Variants in PCDHGA1 observed in about 807,000 individuals in gnomAD.
The protein encoded by PCDHGA1 is protocadherin gamma-A1.
Under a neutral mutation model 58.0 loss-of-function variants are expected in PCDHGA1, and 32 were observed. That is an observed-to-expected ratio of 0.55 (90% confidence interval 0.42 to 0.74). The LOEUF (loss-of-function observed/expected upper bound fraction) is 0.74, where lower values mean the gene tolerates loss of function less well. PCDHGA1 is among the 30% of genes least tolerant of loss of function. The probability of loss-of-function intolerance (pLI) is 0.00; values close to 1 mark genes in which losing one functional copy is unlikely to be tolerated. For synonymous variants in PCDHGA1, 498 were observed against 501.1 expected, an observed-to-expected ratio of 0.99 and a Z score of 0.08; for missense variants, 1,205 against 1,182.3, an observed-to-expected ratio of 1.02 and a Z score of -0.28.
chr5:141,399,605 A>G, intron 1 of PCDHGA1: 1 of 1,613,968 alleles, frequency 6.2e-7, no homozygotes, highest in Non-Finnish European at 8.5e-7. Context: ...AGCGACCTAG[A>G]GCCTCTGGCA....
At chr5:141,412,981 G>C (rs1309699690) in intron 1 of PCDHGA1, 2 of 546,326 alleles carry the variant, frequency 3.7e-6, no homozygotes, top group Non-Finnish European at 3.1e-6. Context: ...AACGCAGCCA[G>C]AGCTCAATCC....
At chr5:141,495,437 C>T (rs2099761356) in intron 2 of PCDHGA1, among the ~76,000 whole-genome samples, 1 of 152,178 alleles carries the variant, frequency 6.6e-6, no homozygotes, top group East Asian at 1.9e-4. Flanking sequence ...GTCCTCTGCC[C>T]CTACTTGTCC....
At chr5:141,453,178 A>G (rs939398654) in intron 1 of PCDHGA1, among the ~76,000 whole-genome samples, 1 of 152,128 alleles carries the variant, frequency 6.6e-6, no homozygotes, top group African/African-American at 2.4e-5. Flanking sequence ...CAGTGGTACA[A>G]TCACAGCTCA....
intron 1 of PCDHGA1, chr5:141,341,717 A>T (rs952386254): frequency 4.3e-5 from 21 of 483,170 alleles, no homozygotes; most frequent in Non-Finnish European, 6.8e-5. Context: ...ATCCACCCAG[A>T]TCAACAATTT....
At chr5:141,355,702 C>T (rs1051426274) in intron 1 of PCDHGA1, 53 of 1,613,866 alleles carry the variant, frequency 3.3e-5, no homozygotes, top group Non-Finnish European at 4.4e-5. Context: ...AAACTCCCTG[C>T]AGGGTTACCA....
At chr5:141,453,700 G>A (rs953445370) in intron 1 of PCDHGA1, among the ~76,000 whole-genome samples, 1 of 152,166 alleles carries the variant, frequency 6.6e-6, no homozygotes, top group Non-Finnish European at 1.5e-5. Flanking sequence ...TCCTGGCTTT[G>A]AACAGTTTCA....
At chr5:141,478,133 G>T (rs769287158) in intron 1 of PCDHGA1, 1 of 1,614,060 alleles carries the variant, frequency 6.2e-7, no homozygotes, top group Non-Finnish European at 8.5e-7. Flanking sequence ...CTCTCCTGAA[G>T]CCCGAGCCGA....
intron 1 of PCDHGA1, chr5:141,399,194 C>T (rs770516092): frequency 1.2e-6 from 2 of 1,613,838 alleles, no homozygotes; most frequent in South Asian, 1.1e-5. Context: ...CTGGAAAACG[C>T]GGTGCCTGGA....
At chr5:141,355,681 G>T (rs933117526) in intron 1 of PCDHGA1, 1 of 1,613,908 alleles carries the variant, frequency 6.2e-7, no homozygotes, top group Non-Finnish European at 8.5e-7. Flanking sequence ...TTTTGATCCG[G>T]ATGTAGGTGT....
At chr5:141,369,931 G>A (rs189671348) in intron 1 of PCDHGA1, among the ~76,000 whole-genome samples, 35 of 152,224 alleles carry the variant, frequency 2.3e-4, no homozygotes, top group African/African-American at 7.9e-4. Flanking sequence ...AAACGTGACG[G>A]GATTGAGCAA....
chr5:141,497,197 A>G (rs1243476120), intron 2 of PCDHGA1, among the ~76,000 whole-genome samples: 2 of 106,804 alleles, frequency 1.9e-5, no homozygotes, highest in African/African-American at 5.7e-5. Flanking sequence ...GCAGAGAACA[A>G]TGTGAGTGTA....
rs114918874 is a variant in PCDHGA1 at position 141,487,585 on chromosome 5, C to T, written c.2422-7222C>T. On this transcript the variant is annotated intron_variant, in intron 1 of 3. Transcript: ENST00000517417. This position sits in a 1 kb window ranked among gnomAD's most constrained non-coding sequence, Gnocchi z 5.0. Reference sequence around the variant, plus strand: ...CAGGGGAGCCTGTTCGCCCAAGCTGCCCACCCTCTGATCTTCTCTATGGGC... The same window carrying T: ...CAGGGGAGCCTGTTCGCCCAAGCTGTCCACCCTCTGATCTTCTCTATGGGC... 7,902 of 1,614,160 alleles carry T rather than the reference C, an allele frequency of 4.9e-3. 42 individuals are homozygous for T. The highest frequency in any genetic ancestry group is 8.8e-3 in the Admixed American group (531 of 60,020).
intron 1 of PCDHGA1, chr5:141,376,544 G>C: frequency 6.2e-7 from 1 of 1,612,818 alleles, no homozygotes; most frequent in South Asian, 1.1e-5. Context: ...AGAGTAATCT[G>C]ATCTTCCCGC....
At chr5:141,365,677 A>C (rs753922826) in intron 1 of PCDHGA1, 1 of 1,613,140 alleles carries the variant, frequency 6.2e-7, no homozygotes, top group South Asian at 1.1e-5. Flanking sequence ...ATGACAACCC[A>C]CCCAATTTCC....
chr5:141,390,518 T>G (rs1045172175), intron 1 of PCDHGA1: 1 of 570,806 alleles, frequency 1.8e-6, no homozygotes, highest in Non-Finnish European at 3.0e-6. Flanking sequence ...TATAAAGCAA[T>G]GAGGGTGTGG....
intron 1 of PCDHGA1, chr5:141,364,549 GC>G (rs748045143): frequency 1.5e-5 from 25 of 1,614,000 alleles, no homozygotes; most frequent in South Asian, 1.4e-4. Flanking sequence ...GTAGGACGCA[GC>G]TTTTTGCCCT....
chr5:141,423,804 T>C (rs571396807), intron 1 of PCDHGA1: 50 of 1,240,508 alleles, frequency 4.0e-5, no homozygotes, highest in African/African-American at 2.7e-4. Flanking sequence ...GAGCAATACA[T>C]GTGAGTTTTA....
At chr5:141,497,214 G>C (rs929868102) in intron 2 of PCDHGA1, among the ~76,000 whole-genome samples, 2 of 152,138 alleles carry the variant, frequency 1.3e-5, no homozygotes, top group African/African-American at 4.8e-5. Flanking sequence ...TGTAATGGGG[G>C]GGGGAAGATC....
At chr5:141,399,700 G>T (rs1354039219) in intron 1 of PCDHGA1, 1 of 1,613,422 alleles carries the variant, frequency 6.2e-7, no homozygotes. Flanking sequence ...GCGCACCTTC[G>T]AACTCACACT....
Sources: allele counts gnomAD v4.1 joint callset (sites outside exome capture counted in the v4.1 genomes callset), GRCh38; gene constraint gnomAD v4.1.1; non-coding constraint Gnocchi (gnomAD v3.1); transcripts MANE v1.5; gene names NCBI Gene and HGNC (gene_info 2026-07-23, HGNC 2026-07-21).